BCR: variants seen among roughly 807,000 people sequenced by gnomAD.
The protein encoded by BCR is BCR activator of RhoGEF and GTPase, also known as breakpoint cluster region protein.
A neutral mutation model predicts 138.6 loss-of-function variants in BCR; 58 were observed. That is an observed-to-expected ratio of 0.42 (90% CI 0.34 to 0.52). BCR has a LOEUF of 0.52. BCR is among the 20% of genes least tolerant of loss of function. The probability of loss-of-function intolerance (pLI) is 0.06; values close to 1 mark genes in which losing one functional copy is unlikely to be tolerated. For missense variants in BCR, 1,599 were observed against 1,727.2 expected (o/e 0.93, Z 1.32); for synonymous variants, 786 against 730.1 (o/e 1.08, Z -1.23).
chr22:23,231,249 C>T (rs1327702180), intron 1 of BCR, among the ~76,000 whole-genome samples: 2 of 152,008 alleles, frequency 1.3e-5, no homozygotes, highest in East Asian at 1.9e-4. Flanking sequence ...GTGGCTTGCT[C>T]GTAATCCCAG....
In BCR at chr22:23,202,721, TTGTGTG is replaced by T. The variant is rs58577462; in HGVS notation, c.1279+20504_1279+20509del. Among the ~76,000 whole-genome samples, 11 of 142,752 alleles carry T rather than the reference TTGTGTG, an allele frequency of 7.7e-5. 1 individual carries two copies. Among genetic ancestry groups the T allele is most frequent in the African/African-American group, 8.1e-5 (3 of 37,136 alleles). 93.7% of individuals were successfully genotyped at this position (142,752 alleles called of 152,430 possible). A position where few individuals can be genotyped will look rare whatever the true frequency, so the allele number is the denominator to read the frequency against. ...TAAGCTTGAGTAATAATTCAATTGT[TTGTGTG>T]TGTGTGTGTGTGTGTGTGTGTATAT... On this transcript the variant is annotated intron_variant, in intron 1 of 22. Coordinates refer to ENST00000305877, the MANE Select transcript of BCR (RefSeq NM_004327.4).
At chr22:23,297,943 C>G (rs544027494) in intron 16 of BCR, among the ~76,000 whole-genome samples, 2 of 152,318 alleles carry the variant, frequency 1.3e-5, no homozygotes, top group East Asian at 3.9e-4. Flanking sequence ...TTCTGTCAGT[C>G]TAGGGGTGCT....
chr22:23,311,630 G>A (rs2074008799), intron 18 of BCR, 67 bp from the exon 19 acceptor site: 3 of 1,402,042 alleles, frequency 2.1e-6, no homozygotes, highest in African/African-American at 2.8e-5. Context: ...CAGATATGGA[G>A]CAGGTCTCCT....
chr22:23,282,510 C>T (rs2073659517), intron 8 of BCR, among the ~76,000 whole-genome samples: 1 of 152,362 alleles, frequency 6.6e-6, no homozygotes, highest in East Asian at 1.9e-4. Context: ...CTGAGAGTGT[C>T]GGAGGACTGG....
chr22:23,284,713 A>G (rs2146300561), intron 9 of BCR, among the ~76,000 whole-genome samples: 1 of 152,106 alleles, frequency 6.6e-6, no homozygotes, highest in East Asian at 1.9e-4. Flanking sequence ...CTGGGGGTGG[A>G]TTTCAGTCCT....
At chr22:23,217,020 A>G in intron 1 of BCR, 1 of 451,356 alleles carries the variant, frequency 2.2e-6, no homozygotes, top group East Asian at 7.1e-5. Flanking sequence ...TGATGGGAGG[A>G]GCAGCAGTGT....
At position 23,262,922 on chromosome 22, in the gene BCR, G is replaced by A. The variant is rs536427112; in HGVS notation, c.1752+1382G>A. On this transcript the variant is annotated intron_variant, in intron 4 of 22. Transcript: ENST00000305877. ...CGGGAGCGAGGACACGCCCAAGAGA[G>A]GAAGCAGAGGGAGGCGGAAGCGTGG... The A allele has an allele frequency of 1.6e-5, 18 of 1,104,624 alleles. No individual in the cohort carries two copies. The Middle Eastern group carries it at 1.2e-3, about 71-fold the overall frequency. 68.4% of individuals were successfully genotyped at this position (1,104,624 alleles called of 1,614,324 possible).
chr22:23,268,191 A>G lies in BCR; in HGVS notation c.1753-217A>G, dbSNP rs528472458. On this transcript the variant is annotated intron_variant, in intron 4 of 22. Transcript: ENST00000305877. ...TGTTACCTGCCTGGCGCCGTGAGTC[A>G]CTTCTCAGCATGTCATTTTGGGAGC... is the stretch of plus-strand genomic sequence containing the variant. Among the ~76,000 whole-genome samples the G allele has an allele frequency of 9.2e-5, 14 of 152,262 alleles. No homozygotes were observed. In the East Asian group the frequency reaches 2.3e-3, roughly 25 times the overall value.
chr22:23,213,257 C>T (rs1353132927), intron 1 of BCR, among the ~76,000 whole-genome samples: 1 of 152,224 alleles, frequency 6.6e-6, no homozygotes, highest in Non-Finnish European at 1.5e-5. Flanking sequence ...AAGGCTCTGC[C>T]TGCCAGGGTA....
At chr22:23,231,127 G>T (rs2072953709) in intron 1 of BCR, among the ~76,000 whole-genome samples, 1 of 152,176 alleles carries the variant, frequency 6.6e-6, no homozygotes, top group Admixed American at 6.5e-5. Flanking sequence ...GGAAATGGAA[G>T]CTGCCCTTTT....
intron 1 of BCR, among the ~76,000 whole-genome samples, chr22:23,231,091 A>G (rs1439305807): frequency 6.6e-6 from 1 of 152,154 alleles, no homozygotes; most frequent in African/African-American, 2.4e-5. Context: ...TTAGCAGTAA[A>G]CAGTTTGGCA....
In BCR at chr22:23,181,660, C is replaced by T. The variant is rs748338631; in HGVS notation, c.700C>T (p.Arg234Cys). 2.6e-5 allele frequency: 42 copies of T among 1,607,954 alleles called. No homozygotes were observed. The African/African-American group carries it at 5.1e-4, about 19-fold the overall frequency. The change falls in exon 1 of 23, where the codon CGC becomes TGC. Residue 234 changes from arginine (R) to cysteine (C), a missense_variant. By Grantham distance (180) the Arg-to-Cys change is radical. Coordinates refer to ENST00000305877, the MANE Select transcript of BCR (RefSeq NM_004327.4). ...TGCATCCAGGCCCCCTTACCGGGGA[C>T]GCTCCTCGGAGAGCAGCTGCGGCGT... ...GDASRPPYRG[R>C]SSESSCGVDG... is the part of the protein sequence containing the mutation.
intron 13 of BCR, chr22:23,290,012 TCA>T: frequency 2.0e-6 from 1 of 511,310 alleles, no homozygotes; most frequent in Non-Finnish European, 3.6e-6. Context: ...ATATGCTCAG[TCA>T]CACACACAGC....
intron 1 of BCR, among the ~76,000 whole-genome samples, chr22:23,225,874 C>T (rs877590): frequency 0.51 from 78,267 of 152,124 alleles, 20,383 homozygotes; most frequent in East Asian, 0.7. Context: ...GCCTGAAACA[C>T]GCTTTGAGCC....
At chr22:23,222,644 G>T (rs1234149813) in intron 1 of BCR, among the ~76,000 whole-genome samples, 2 of 152,142 alleles carry the variant, frequency 1.3e-5, no homozygotes, top group Non-Finnish European at 2.9e-5. Context: ...TGGGCTTCAG[G>T]GCTGTGACCA....
intron 1 of BCR, among the ~76,000 whole-genome samples, chr22:23,231,587 G>A (rs113878767): frequency 0.014 from 2,165 of 151,572 alleles, 24 homozygotes; most frequent in Non-Finnish European, 0.024. Flanking sequence ...TGGAGCCATG[G>A]TGTTAAAAGG....
chr22:23,261,755 T>G, intron 4 of BCR: 1 of 339,726 alleles, frequency 2.9e-6, no homozygotes, highest in Non-Finnish European at 5.3e-6. Context: ...TTCTAATTTA[T>G]ATTTATTTAG....
At position 23,276,520 on chromosome 22, in the gene BCR, G is replaced by A. The variant is rs565585650; in HGVS notation, c.2115+2746G>A. Reference sequence around the variant, plus strand: ...CTTGCTCATTGAGGAGGGGTCACCTGGGTGCCTTAGCTGCAAAGCAAGGTG... The same window carrying A: ...CTTGCTCATTGAGGAGGGGTCACCTAGGTGCCTTAGCTGCAAAGCAAGGTG... On this transcript the variant is annotated intron_variant, in intron 8 of 22. Coordinates refer to ENST00000305877, the MANE Select transcript of BCR (RefSeq NM_004327.4). 1.2e-3 allele frequency among the ~76,000 whole-genome samples: 176 copies of A among 152,362 alleles called. 1 individual carries two copies. The highest frequency in any genetic ancestry group is 3.2e-3 in the African/African-American group (134 of 41,590).
At chr22:23,280,794 T>G (rs1379860271) in intron 8 of BCR, among the ~76,000 whole-genome samples, 1 of 152,178 alleles carries the variant, frequency 6.6e-6, no homozygotes, top group Non-Finnish European at 1.5e-5. Context: ...GTTTCCCACC[T>G]GGGATGTGGG....
Sources: gnomAD v4.1 joint callset for allele counts (sites outside exome capture counted in the v4.1 genomes callset) on GRCh38, gnomAD v4.1.1 for gene constraint, MANE v1.5 for transcripts, NCBI Gene and HGNC (gene_info 2026-07-23, HGNC 2026-07-21) for gene names.